PTPN3: variants seen among roughly 807,000 people sequenced by gnomAD.
PTPN3 encodes tyrosine-protein phosphatase non-receptor type 3.
Under a neutral mutation model 132.7 loss-of-function variants are expected in PTPN3, and 96 were observed. The observed-to-expected ratio is 0.72, with a 90% CI of 0.61 to 0.86. The LOEUF (loss-of-function observed/expected upper bound fraction) is 0.86. Among genes scored for constraint, PTPN3 ranks in the 40% least tolerant of loss-of-function variants. PTPN3 has a pLI of 0.00. For synonymous variants in PTPN3, 398 were observed against 429.0 expected, an observed-to-expected ratio of 0.93 and a Z score of 0.89; for missense variants, 1,125 against 1,159.6, an observed-to-expected ratio of 0.97 and a Z score of 0.43.
intron 10 of PTPN3, among the ~76,000 whole-genome samples, chr9:109,431,786 T>C (rs1843679299): frequency 6.6e-6 from 1 of 152,214 alleles, no homozygotes; most frequent in Non-Finnish European, 1.5e-5. Flanking sequence ...TAGACTCTGA[T>C]GTGAGTTTCA....
At chr9:109,419,215 T>G (rs984795402) in intron 14 of PTPN3, among the ~76,000 whole-genome samples, 4 of 152,232 alleles carry the variant, frequency 2.6e-5, no homozygotes, top group African/African-American at 9.6e-5. Flanking sequence ...AGAACACAGA[T>G]AAACTGGAAA....
chr9:109,390,326 G>T (rs181125565), intron 21 of PTPN3, among the ~76,000 whole-genome samples: 18 of 152,290 alleles, frequency 1.2e-4, no homozygotes, highest in African/African-American at 3.8e-4. Context: ...TTAGGAGTTG[G>T]CAGACCACGT....
chr9:109,408,246 C>A, intron 17 of PTPN3, 75 bp downstream of exon 17: 1 of 1,238,126 alleles, frequency 8.1e-7, no homozygotes. Flanking sequence ...AGAAACAGGA[C>A]TCAGAAACAG....
intron 5 of PTPN3, among the ~76,000 whole-genome samples, chr9:109,453,994 G>A (rs1194453179): frequency 6.6e-6 from 1 of 152,094 alleles, no homozygotes; most frequent in African/African-American, 2.4e-5. Flanking sequence ...CAGCCAGGGT[G>A]AAGAGAGAGA....
At chr9:109,434,252 T>C (rs1843870279) in intron 9 of PTPN3, among the ~76,000 whole-genome samples, 1 of 151,720 alleles carries the variant, frequency 6.6e-6, no homozygotes, top group Admixed American at 6.6e-5. Context: ...CAAGTGATCC[T>C]ACAGCCTCAG....
Position 109,383,478 on chromosome 9 carries a change from G to T in PTPN3, c.2327C>A (p.Ser776Ter). The change falls in exon 23 of 26, where the codon TCA (serine) becomes TAA (stop). Residue 776 changes from serine (S) to a stop codon, truncating the protein, a stop_gained. Transcript: ENST00000374541. LOFTEE classifies it high-confidence loss of function. ...CACATAGGCGATGGTGCAGTCCTCT[G>T]ACTGACACTGGATGTGAAAGCCGCC... ...NHGGFHIQCQ[S>*]EDCTIAYVSR... is the part of the protein sequence containing the mutation. The T allele has an allele frequency of 6.2e-7, 1 of 1,614,128 alleles. No homozygotes were observed. Among genetic ancestry groups the T allele is most frequent in the Non-Finnish European group, 8.5e-7 (1 of 1,180,006 alleles).
intron 1 of PTPN3, among the ~76,000 whole-genome samples, chr9:109,497,833 G>A (rs989842864): frequency 6.6e-5 from 10 of 151,834 alleles, no homozygotes; most frequent in African/African-American, 2.2e-4. Flanking sequence ...TGCCCCCTCG[G>A]AGCCCCGAGC....
the PTPN3 span, chr9:109,533,461 G>T: frequency 1.3e-6 from 2 of 1,551,870 alleles, no homozygotes; most frequent in Non-Finnish European, 1.8e-6. Context: ...AGGGTTTTCT[G>T]TGTGTCTGCG....
chr9:109,445,441 C>T, intron 6 of PTPN3, 149 bp from the exon 7 acceptor site: 2 of 716,106 alleles, frequency 2.8e-6, no homozygotes, highest in Non-Finnish European at 4.8e-6. Context: ...CTTTATGCTG[C>T]ACATAAACAG....
At chr9:109,529,489 A>G in the PTPN3 span, among the ~76,000 whole-genome samples, 1 of 152,218 alleles carries the variant, frequency 6.6e-6, no homozygotes, top group African/African-American at 2.4e-5. Context: ...CACAGCAGGA[A>G]TTCTTGTGAG....
At position 109,497,102 on chromosome 9, in the gene PTPN3, T is replaced by C. The variant is rs146795803; in HGVS notation, c.-18+1117A>G. ...GCTTTTAAAGGAGATGCTCTCTGAT[T>C]ACAATTCGGCTAAATTGTTTTTCCG... On this transcript the variant is annotated intron_variant, in intron 1 of 25. Coordinates refer to ENST00000374541, the MANE Select transcript of PTPN3 (RefSeq NM_002829.4). Among the ~76,000 whole-genome samples the C allele has an allele frequency of 2.4e-3, 367 of 152,302 alleles. 7 individuals are homozygous for C. The highest frequency in any genetic ancestry group is 0.022 in the Admixed American group (333 of 15,296).
rs550594319 is a variant in PTPN3 at position 109,381,096 on chromosome 9, T to C, written c.2664+556A>G. 4.5e-4 allele frequency among the ~76,000 whole-genome samples: 68 copies of C among 152,348 alleles called. 1 individual carries two copies. The South Asian group carries it at 0.013, about 30-fold the overall frequency. ...AGCTTGGAGAGAGGTTCAGGACTTA[T>C]GCAAAGGTTGTTCCATTTGTGGTGG... is the stretch of plus-strand genomic sequence containing the variant. On this transcript the variant is annotated intron_variant, in intron 25 of 25. Coordinates refer to ENST00000374541, the MANE Select transcript of PTPN3 (RefSeq NM_002829.4).
chr9:109,498,367 C>G (rs1462047662), upstream of PTPN3: 3 of 146,618 alleles, frequency 2.0e-5, no homozygotes, highest in Non-Finnish European at 3.0e-5. The surrounding 1 kb of genome is among the most constrained non-coding windows in gnomAD (Gnocchi z 4.2). Context: ...GCGACGGGCC[C>G]GCGCGCCGGG....
chr9:109,405,385 T>A (rs1564399229), intron 18 of PTPN3, among the ~76,000 whole-genome samples: 1 of 152,094 alleles, frequency 6.6e-6, no homozygotes, highest in Non-Finnish European at 1.5e-5. Flanking sequence ...GCCAAACGTG[T>A]GAGGCAGGCA....
At chr9:109,452,483 A>G (rs866603452) in intron 5 of PTPN3, among the ~76,000 whole-genome samples, 1 of 152,014 alleles carries the variant, frequency 6.6e-6, no homozygotes, top group Admixed American at 6.6e-5. Flanking sequence ...ATAATCACAC[A>G]CATTATATAT....
chr9:109,427,659 C>T (rs773465534), intron 11 of PTPN3, among the ~76,000 whole-genome samples: 20 of 152,194 alleles, frequency 1.3e-4, no homozygotes, highest in Non-Finnish European at 2.2e-4. Context: ...TGTTAAATTG[C>T]CGTCTTATAC....
At chr9:109,397,992 G>A (rs992594483) in intron 19 of PTPN3, among the ~76,000 whole-genome samples, 1 of 152,134 alleles carries the variant, frequency 6.6e-6, no homozygotes, top group Non-Finnish European at 1.5e-5. Flanking sequence ...CAATCTTTTG[G>A]GCCGGGCATG....
intron 14 of PTPN3, among the ~76,000 whole-genome samples, chr9:109,415,292 G>A (rs930090031): frequency 2.6e-5 from 4 of 152,164 alleles, no homozygotes; most frequent in African/African-American, 7.2e-5. Flanking sequence ...GAGATGCTCA[G>A]ATGTCTAGGG....
In PTPN3 at chr9:109,395,791, T is replaced by C. The variant is rs965480938; in HGVS notation, c.1954-4230A>G. Among the ~76,000 whole-genome samples the C allele has an allele frequency of 7.3e-5, 11 of 151,250 alleles. No individual in the cohort carries two copies. The East Asian group carries it at 2.1e-3, about 29-fold the overall frequency. ...GACAGAGGAAGACCCTGTCTGTGTGTGTCTGTCTGTGTGTGTGTCTCTCTC... is the reference window on the plus strand; with the variant it reads ...GACAGAGGAAGACCCTGTCTGTGTGCGTCTGTCTGTGTGTGTGTCTCTCTC... On this transcript the variant is annotated intron_variant, in intron 19 of 25. Coordinates refer to ENST00000374541, the MANE Select transcript of PTPN3 (RefSeq NM_002829.4).
Sources: allele counts gnomAD v4.1 joint callset (sites outside exome capture counted in the v4.1 genomes callset), GRCh38; gene constraint gnomAD v4.1.1; non-coding constraint Gnocchi (gnomAD v3.1); transcripts MANE v1.5; gene names NCBI Gene and HGNC (gene_info 2026-07-23, HGNC 2026-07-21).